The following C10orf143 variants were observed in gnomAD, a reference collection of about 807,000 sequenced individuals.
C10orf143 encodes the protein chromosome 10 open reading frame 143, also known as uncharacterized protein C10orf143.
intron 1 of C10orf143, among the ~76,000 whole-genome samples, chr10:130,099,075 G>T (rs1861506156): frequency 6.9e-6 from 1 of 144,104 alleles, no homozygotes. Context: ...GCAAAAGAGT[G>T]AGACACCATC....
At position 130,099,699 on chromosome 10, in the gene C10orf143, G is replaced by A. The variant is rs572245493; in HGVS notation, c.69+11005C>T. On this transcript the variant is annotated intron_variant, in intron 1 of 3. Coordinates refer to ENST00000637128, the MANE Select transcript of C10orf143 (RefSeq NM_001355042.2). ...ACTACAGCCGTGTGACACCATTTTTGTATTTTTTGGTGGAGACGGGGTTTC... is the reference window on the plus strand; with the variant it reads ...ACTACAGCCGTGTGACACCATTTTTATATTTTTTGGTGGAGACGGGGTTTC... 4.6e-5 allele frequency among the ~76,000 whole-genome samples: 7 copies of A among 151,754 alleles called. No homozygotes were observed. The South Asian group carries it at 1.3e-3, about 27-fold the overall frequency.
intron 1 of C10orf143, among the ~76,000 whole-genome samples, chr10:130,086,818 G>C (rs756830785): frequency 6.6e-5 from 10 of 152,200 alleles, no homozygotes; most frequent in Non-Finnish European, 1.2e-4. Context: ...ATGAGAACCT[G>C]TACTTTCTGG....
chr10:130,061,748 T>C (rs1340796171), downstream of C10orf143, among the ~76,000 whole-genome samples: 1 of 152,250 alleles, frequency 6.6e-6, no homozygotes. Flanking sequence ...AGACCCAGTT[T>C]AGTGAAATCT....
At chr10:130,097,793 A>G (rs1861486020) in intron 1 of C10orf143, among the ~76,000 whole-genome samples, 1 of 152,200 alleles carries the variant, frequency 6.6e-6, no homozygotes, top group Non-Finnish European at 1.5e-5. Flanking sequence ...GCAAACTGAA[A>G]GAAGCCAGCT....
chr10:130,039,444 T>C (rs771739699), intron 3 of C10orf143, among the ~76,000 whole-genome samples: 11 of 152,048 alleles, frequency 7.2e-5, no homozygotes, highest in African/African-American at 2.4e-4. Context: ...CAGGAGAAGA[T>C]GGGCAGCCCA....
At position 130,043,440 on chromosome 10, in the gene C10orf143, G is replaced by C. The variant is rs1260272733; in HGVS notation, c.298-7470C>G. Among the ~76,000 whole-genome samples, 10 of 152,280 alleles carry C rather than the reference G, an allele frequency of 6.6e-5. No homozygotes were observed. The East Asian group carries it at 1.9e-3, about 29-fold the overall frequency. The stretch of plus-strand genomic sequence containing the variant: ...ATTTTTACAAGATGCCCATTACCAA[G>C]ACGGGCAGGTGGGAAAAAGCCCCGC... On this transcript the variant is annotated intron_variant and NMD_transcript_variant, in intron 3 of 5. Transcript: ENST00000643056.
At chr10:130,100,672 C>A (rs1861534589) in intron 1 of C10orf143, among the ~76,000 whole-genome samples, 1 of 152,146 alleles carries the variant, frequency 6.6e-6, no homozygotes, top group African/African-American at 2.4e-5. Context: ...AGATCCAAAT[C>A]AAATGCTATA....
chr10:130,106,367 G>T, intron 1 of C10orf143: 2 of 1,601,888 alleles, frequency 1.2e-6, no homozygotes, highest in African/African-American at 2.7e-5. Context: ...AGACTATGAA[G>T]TAGCGTCATC....
intron 1 of C10orf143, among the ~76,000 whole-genome samples, chr10:130,102,380 C>G (rs561071258): frequency 3.9e-5 from 6 of 152,236 alleles, no homozygotes; most frequent in African/African-American, 1.2e-4. Flanking sequence ...TCCAGTGGTT[C>G]TCCCACCTCA....
At chr10:130,108,142 T>C (rs754638915) in intron 1 of C10orf143, 2 of 1,567,656 alleles carry the variant, frequency 1.3e-6, no homozygotes, top group South Asian at 1.1e-5. Context: ...TAATCAGAGG[T>C]CCACTGTTTC....
intron 1 of C10orf143, among the ~76,000 whole-genome samples, chr10:130,087,313 T>C (rs1332849892): frequency 6.6e-6 from 1 of 152,204 alleles, no homozygotes; most frequent in Non-Finnish European, 1.5e-5. Flanking sequence ...TGAAGGCTTA[T>C]GCCAAGCTAA....
intron 3 of C10orf143, among the ~76,000 whole-genome samples, chr10:130,078,126 G>A (rs1275513368): frequency 5.9e-5 from 9 of 152,118 alleles, no homozygotes; most frequent in Non-Finnish European, 1.0e-4. Context: ...ACAAAGAAAG[G>A]AAAAACCCTA....
chr10:130,085,858 A>T (rs938606401), intron 1 of C10orf143, among the ~76,000 whole-genome samples: 2 of 152,204 alleles, frequency 1.3e-5, no homozygotes, highest in African/African-American at 4.8e-5. Flanking sequence ...TCACAACCTC[A>T]ACCCACTGTT....
intron 3 of C10orf143, among the ~76,000 whole-genome samples, chr10:130,043,857 C>A (rs1264989986): frequency 6.6e-6 from 1 of 152,260 alleles, no homozygotes; most frequent in Non-Finnish European, 1.5e-5. Context: ...AGCTCCGCCT[C>A]TTGCAGGTGG....
At chr10:130,062,002 C>T (rs572799656), downstream of C10orf143, among the ~76,000 whole-genome samples, 8 of 152,178 alleles carry the variant, frequency 5.3e-5, no homozygotes, top group Admixed American at 1.3e-4. Flanking sequence ...GGGTGGAGGG[C>T]GGCTGCCAGG....
chr10:130,100,063 C>G (rs1362508879), intron 1 of C10orf143, among the ~76,000 whole-genome samples: 1 of 151,234 alleles, frequency 6.6e-6, no homozygotes, highest in African/African-American at 2.4e-5. Flanking sequence ...GTCTCGAACT[C>G]CTGACCTTGT....
chr10:130,048,873 T>A (rs1328196332), intron 3 of C10orf143, among the ~76,000 whole-genome samples: 1 of 152,122 alleles, frequency 6.6e-6, no homozygotes, highest in Non-Finnish European at 1.5e-5. Context: ...CAGTTAGTTT[T>A]ATTTATTTAT....
intron 1 of C10orf143, among the ~76,000 whole-genome samples, chr10:130,098,817 T>C (rs935561811): frequency 6.6e-6 from 1 of 152,178 alleles, no homozygotes; most frequent in South Asian, 2.1e-4. Flanking sequence ...CTGGGCGCGG[T>C]GGCTCATGCC....
chr10:130,091,132 C>G (rs978500145), intron 1 of C10orf143, among the ~76,000 whole-genome samples: 4 of 152,192 alleles, frequency 2.6e-5, no homozygotes, highest in Admixed American at 2.6e-4. Context: ...TGAGAGATAC[C>G]TCCCAGCAGG....
Sources: allele counts gnomAD v4.1 joint callset (sites outside exome capture counted in the v4.1 genomes callset), GRCh38; gene constraint gnomAD v4.1.1; transcripts MANE v1.5; gene names NCBI Gene and HGNC (gene_info 2026-07-23, HGNC 2026-07-21).